Variants in GRID1 observed in about 807,000 individuals in gnomAD.
GRID1 encodes the protein glutamate receptor ionotropic, delta-1.
Under a neutral mutation model 98.0 loss-of-function variants are expected in GRID1, and 28 were observed. The ratio of observed to expected loss-of-function variants is 0.29; its 90% CI spans 0.21 to 0.39. The LOEUF (loss-of-function observed/expected upper bound fraction) is 0.39. GRID1 is among the 10% of genes least tolerant of loss of function. The pLI is 1.00. For missense variants in GRID1, 1,111 were observed against 1,340.5 expected, an observed-to-expected ratio of 0.83 and a Z score of 2.67; for synonymous variants, 553 against 538.5, an observed-to-expected ratio of 1.03 and a Z score of -0.37.
intron 4 of GRID1, among the ~76,000 whole-genome samples, chr10:85,990,121 A>G (rs1055697228): frequency 2.0e-5 from 3 of 152,218 alleles, no homozygotes; most frequent in South Asian, 4.1e-4. Flanking sequence ...TATTTTTGTT[A>G]TAACAGTTCG....
At chr10:85,709,739 A>C (rs1841562166) in intron 12 of GRID1, among the ~76,000 whole-genome samples, 1 of 152,168 alleles carries the variant, frequency 6.6e-6, no homozygotes, top group Non-Finnish European at 1.5e-5. Flanking sequence ...AAATGTATTA[A>C]ATCAATATTT....
chr10:85,622,397 A>G (rs781088304), intron 13 of GRID1, among the ~76,000 whole-genome samples: 3 of 152,062 alleles, frequency 2.0e-5, no homozygotes, highest in African/African-American at 4.8e-5. Flanking sequence ...TCATCATTAT[A>G]TTTATTTTTT....
rs143628896 is a variant in GRID1, at chr10:86,213,072, C to T, written c.236-6424G>A. ...AGACTGTGTTTCAGTGATTCTCTGC[C>T]CACTTTCCAACTTCCCAGAGACCTG... is the stretch of plus-strand genomic sequence containing the variant. On this transcript the variant is annotated intron_variant, in intron 2 of 15. Transcript: ENST00000327946. Among the ~76,000 whole-genome samples the T allele has an allele frequency of 2.2e-3, 335 of 152,250 alleles. 3 individuals carry two copies. Among genetic ancestry groups the T allele is most frequent in the African/African-American group, 7.7e-3 (321 of 41,546 alleles).
intron 8 of GRID1, among the ~76,000 whole-genome samples, chr10:85,759,471 T>A (rs1302040768): frequency 6.6e-6 from 1 of 152,218 alleles, no homozygotes; most frequent in Non-Finnish European, 1.5e-5. Context: ...TTCTTTTGAC[T>A]TTATGAACAA....
At chr10:85,915,696 TA>T in intron 5 of GRID1, among the ~76,000 whole-genome samples, 1 of 151,946 alleles carries the variant, frequency 6.6e-6, no homozygotes, top group East Asian at 1.9e-4. Flanking sequence ...ACTCACATCA[TA>T]AACACAGACA....
At chr10:86,165,453 G>A (rs1845385088) in intron 3 of GRID1, among the ~76,000 whole-genome samples, 1 of 152,222 alleles carries the variant, frequency 6.6e-6, no homozygotes, top group Non-Finnish European at 1.5e-5. Context: ...CAGAACTGCA[G>A]CATTGCTTGC....
chr10:85,877,878 A>T (rs1840923579), intron 5 of GRID1, among the ~76,000 whole-genome samples: 1 of 152,196 alleles, frequency 6.6e-6, no homozygotes, highest in Non-Finnish European at 1.5e-5. Flanking sequence ...TTCAAAAAAA[A>T]TTAGACAAAT....
At chr10:85,805,499 T>C (rs1028511820) in intron 8 of GRID1, among the ~76,000 whole-genome samples, 1 of 151,860 alleles carries the variant, frequency 6.6e-6, no homozygotes, top group African/African-American at 2.4e-5. Context: ...TCTAAGAAAT[T>C]ATGTGATTCT....
At chr10:85,871,315 G>C (rs569868915) in intron 5 of GRID1, among the ~76,000 whole-genome samples, 1 of 152,070 alleles carries the variant, frequency 6.6e-6, no homozygotes, top group Non-Finnish European at 1.5e-5. Context: ...AAACAGAATG[G>C]TTTTATGGGT....
At chr10:86,012,870 T>C (rs1407782962) in intron 4 of GRID1, among the ~76,000 whole-genome samples, 2 of 152,232 alleles carry the variant, frequency 1.3e-5, no homozygotes, top group East Asian at 3.8e-4. Flanking sequence ...CTATTGTTTA[T>C]AAGCGAAATC....
At chr10:86,148,999 T>A (rs748208251) in intron 3 of GRID1, among the ~76,000 whole-genome samples, 5 of 152,150 alleles carry the variant, frequency 3.3e-5, no homozygotes, top group Non-Finnish European at 5.9e-5. Flanking sequence ...GCTGGCACAG[T>A]GCAAAATAGA....
chr10:85,813,568 G>T (rs1389828107), intron 8 of GRID1, among the ~76,000 whole-genome samples: 2 of 151,146 alleles, frequency 1.3e-5, no homozygotes, highest in African/African-American at 4.9e-5. Flanking sequence ...ACAAATAGAA[G>T]TTTTACAGCA....
At chr10:85,915,528 T>C (rs1841604463) in intron 5 of GRID1, among the ~76,000 whole-genome samples, 1 of 151,038 alleles carries the variant, frequency 6.6e-6, no homozygotes, top group African/African-American at 2.4e-5. Flanking sequence ...GACACACATA[T>C]ACACACACAT....
intron 4 of GRID1, among the ~76,000 whole-genome samples, chr10:85,925,110 C>A (rs1236769207): frequency 6.6e-6 from 1 of 152,188 alleles, no homozygotes; most frequent in African/African-American, 2.4e-5. Context: ...AGAAGTGAAG[C>A]CAGGAGGCGC....
At chr10:85,954,553 A>G (rs1431626212) in intron 4 of GRID1, among the ~76,000 whole-genome samples, 1 of 152,238 alleles carries the variant, frequency 6.6e-6, no homozygotes, top group Non-Finnish European at 1.5e-5. Context: ...AATCATTATA[A>G]AAGGGCCAAA....
intron 13 of GRID1, chr10:85,645,475 G>C (rs2132550309): frequency 6.6e-6 from 1 of 152,304 alleles, no homozygotes; most frequent in Non-Finnish European, 1.5e-5. Flanking sequence ...CATGAGAATA[G>C]CACAGTTACA....
chr10:86,115,176 T>C (rs1844555721), intron 4 of GRID1, among the ~76,000 whole-genome samples: 1 of 152,164 alleles, frequency 6.6e-6, no homozygotes, highest in South Asian at 2.1e-4. Context: ...CTAAGAAGCA[T>C]GGCTGTGAGT....
At chr10:85,849,305 T>G (rs1315598306) in intron 8 of GRID1, among the ~76,000 whole-genome samples, 5 of 152,184 alleles carry the variant, frequency 3.3e-5, no homozygotes, top group Admixed American at 3.3e-4. Context: ...ACTCAGTGAA[T>G]TATCAGCAGA....
chr10:86,242,522 G>A (rs1257722945), intron 2 of GRID1, among the ~76,000 whole-genome samples: 1 of 152,204 alleles, frequency 6.6e-6, no homozygotes, highest in Non-Finnish European at 1.5e-5. Context: ...ACAGGCCCTG[G>A]CTCAGCCTGG....
Sources: gnomAD v4.1 joint callset for allele counts (sites outside exome capture counted in the v4.1 genomes callset) on GRCh38, gnomAD v4.1.1 for gene constraint, MANE v1.5 for transcripts, NCBI Gene and HGNC (gene_info 2026-07-23, HGNC 2026-07-21) for gene names.